The following INPP4B variants were observed in gnomAD, a reference collection of about 807,000 sequenced individuals.
INPP4B encodes inositol polyphosphate 4-phosphatase type II.
INPP4B carries 55 observed loss-of-function variants against 122.5 expected under a neutral mutation model. The ratio of observed to expected loss-of-function variants is 0.45; its 90% CI spans 0.36 to 0.56. The LOEUF (loss-of-function observed/expected upper bound fraction) is 0.56. Ranked by LOEUF, INPP4B falls within the 20% of genes least tolerant of loss-of-function variation. The probability of loss-of-function intolerance (pLI) is 0.00; values close to 1 mark genes in which losing one functional copy is unlikely to be tolerated. For missense variants in INPP4B, 1,000 were observed against 1,097.7 expected (o/e 0.91, Z 1.26); for synonymous variants, 403 against 388.7 (o/e 1.04, Z -0.43).
At chr4:142,469,046 CTCAGT>C (rs976414810) in intron 2 of INPP4B, among the ~76,000 whole-genome samples, 12 of 151,868 alleles carry the variant, frequency 7.9e-5, no homozygotes, top group African/African-American at 2.9e-4. Context: ...ATAGTTGTTG[CTCAGT>C]TTCCATCCCT....
chr4:142,397,281 G>C (rs1026041544), intron 7 of INPP4B, among the ~76,000 whole-genome samples: 1 of 152,042 alleles, frequency 6.6e-6, no homozygotes, highest in Non-Finnish European at 1.5e-5. Flanking sequence ...CAGGTTGAGG[G>C]AACCACGTAG....
At chr4:142,635,931 G>T (rs1254018144) in intron 2 of INPP4B, among the ~76,000 whole-genome samples, 2 of 152,020 alleles carry the variant, frequency 1.3e-5, no homozygotes, top group African/African-American at 4.8e-5. Flanking sequence ...ATTTCTATAT[G>T]CCAGAAATAA....
chr4:142,359,358 T>A (rs779756443), intron 7 of INPP4B, among the ~76,000 whole-genome samples: 2 of 151,932 alleles, frequency 1.3e-5, no homozygotes, highest in Non-Finnish European at 2.9e-5. Flanking sequence ...ATAGTCACAA[T>A]AATAACAGTA....
chr4:142,378,785 A>G (rs944378162), intron 7 of INPP4B, among the ~76,000 whole-genome samples: 3 of 152,286 alleles, frequency 2.0e-5, no homozygotes, highest in Admixed American at 6.5e-5. Flanking sequence ...CATGCTTATA[A>G]TTAAAACACT....
intron 7 of INPP4B, among the ~76,000 whole-genome samples, chr4:142,362,293 C>A (rs1350944248): frequency 6.6e-6 from 1 of 151,952 alleles, no homozygotes; most frequent in African/African-American, 2.4e-5. Context: ...ACTTCTTTAA[C>A]CCCTTACCTT....
chr4:142,402,753 C>T (rs1172500343), intron 7 of INPP4B, among the ~76,000 whole-genome samples, 185 bp downstream of exon 7: 1 of 152,128 alleles, frequency 6.6e-6, no homozygotes, highest in Non-Finnish European at 1.5e-5. Flanking sequence ...ACTTTTGCTC[C>T]TAACCAATTG....
At chr4:142,185,935 T>C (rs1194526300) in intron 15 of INPP4B, among the ~76,000 whole-genome samples, 1 of 146,834 alleles carries the variant, frequency 6.8e-6, no homozygotes, top group Non-Finnish European at 1.5e-5. Flanking sequence ...TTATACTAAA[T>C]GTAGGAATTT....
At chr4:142,437,014 T>C (rs1348715871) in intron 3 of INPP4B, among the ~76,000 whole-genome samples, 1 of 151,922 alleles carries the variant, frequency 6.6e-6, no homozygotes, top group Non-Finnish European at 1.5e-5. Flanking sequence ...CTAAGAACCA[T>C]GATCAAATGT....
intron 1 of INPP4B, among the ~76,000 whole-genome samples, chr4:142,845,826 C>A (rs910634042): frequency 6.6e-6 from 1 of 152,068 alleles, no homozygotes; most frequent in Non-Finnish European, 1.5e-5. Context: ...TCAGGGACAG[C>A]GCAGGTGGGC....
intron 23 of INPP4B, among the ~76,000 whole-genome samples, chr4:142,106,197 T>C (rs1222679456): frequency 1.3e-5 from 2 of 152,264 alleles, no homozygotes; most frequent in Non-Finnish European, 2.9e-5. Context: ...AAATTCCGTC[T>C]TGTTTGCAAG....
At chr4:142,694,678 G>T (rs1048543216) in intron 2 of INPP4B, among the ~76,000 whole-genome samples, 1 of 152,080 alleles carries the variant, frequency 6.6e-6, no homozygotes, top group African/African-American at 2.4e-5. Context: ...TGCTGGGAAG[G>T]GTCAGACATT....
intron 2 of INPP4B, among the ~76,000 whole-genome samples, chr4:142,481,924 A>T (rs1020966989): frequency 1.1e-4 from 17 of 152,162 alleles, no homozygotes; most frequent in African/African-American, 3.4e-4. Context: ...GCTGGTGGCT[A>T]ATTTATTGGA....
chr4:142,325,217 T>C (rs1379819558), intron 7 of INPP4B, among the ~76,000 whole-genome samples: 1 of 152,190 alleles, frequency 6.6e-6, no homozygotes, highest in Non-Finnish European at 1.5e-5. Flanking sequence ...ACCGAACTCC[T>C]TAATATCCAG....
At chr4:142,803,171 C>CAAAAAA (rs574677089) in intron 1 of INPP4B, among the ~76,000 whole-genome samples, 2 of 82,238 alleles carry the variant, frequency 2.4e-5, no homozygotes, top group African/African-American at 9.1e-5. Context: ...GACTACGTCT[C>CAAAAAA]AAAAAAAAAA....
rs1736707217 is a variant in INPP4B, at chr4:142,025,394, G to T, written c.*3388C>A. 1.3e-5 allele frequency: 2 copies of T among 152,272 alleles called. No individual in the cohort carries two copies. Among genetic ancestry groups the T allele is most frequent in the East Asian group, 1.9e-4 (1 of 5,176 alleles). The allele number at this position is 152,272 out of a possible 1,614,324, so 9.4% of individuals were successfully genotyped here. The stretch of plus-strand genomic sequence containing the variant: ...GTGGTATGTTTTGATTATTACATTG[G>T]TTTTTAATGTATTCCACTGTGTTTT... On this transcript the variant is annotated 3_prime_UTR_variant, in exon 26 of 26. Coordinates refer to ENST00000262992, the MANE Select transcript of INPP4B (RefSeq NM_001101669.3).
intron 2 of INPP4B, among the ~76,000 whole-genome samples, chr4:142,542,204 T>A (rs1442596255): frequency 6.6e-6 from 1 of 152,194 alleles, no homozygotes; most frequent in East Asian, 1.9e-4. Context: ...TTACATCTAT[T>A]ATTGGATAAT....
chr4:142,193,344 G>A, intron 14 of INPP4B, 149 bp from the exon 15 acceptor site: 2 of 561,934 alleles, frequency 3.6e-6, no homozygotes, highest in East Asian at 2.8e-5. Flanking sequence ...TCTCAAGGGG[G>A]AAAGAGGAGC....
chr4:142,072,741 G>A (rs1288363004), intron 25 of INPP4B, among the ~76,000 whole-genome samples: 2 of 151,928 alleles, frequency 1.3e-5, no homozygotes, highest in Non-Finnish European at 2.9e-5. Flanking sequence ...TACTATTTAA[G>A]TGCATCAGTG....
chr4:142,066,886 A>T (rs1763823175), intron 25 of INPP4B, among the ~76,000 whole-genome samples: 1 of 152,180 alleles, frequency 6.6e-6, no homozygotes, highest in Admixed American at 6.5e-5. Flanking sequence ...TGCAGACTCC[A>T]CCTCTGGGGG....
Sources: allele counts gnomAD v4.1 joint callset (sites outside exome capture counted in the v4.1 genomes callset), GRCh38; gene constraint gnomAD v4.1.1; transcripts MANE v1.5; gene names NCBI Gene and HGNC (gene_info 2026-07-23, HGNC 2026-07-21).